Variants in COL24A1 observed in about 807,000 individuals in gnomAD.
COL24A1 encodes collagen alpha-1(XXIV) chain.
Under a neutral mutation model 253.9 loss-of-function variants are expected in COL24A1, and 224 were observed. That is an observed-to-expected ratio of 0.88 (90% CI 0.79 to 0.99). COL24A1 has a LOEUF of 0.99. Among genes scored for constraint, COL24A1 ranks in the 50% least tolerant of loss-of-function variants. The pLI is 0.00. For missense variants in COL24A1, 2,131 were observed against 2,068.5 expected (o/e 1.03, Z -0.59); for synonymous variants, 685 against 673.7 (o/e 1.02, Z -0.26).
intron 24 of COL24A1, among the ~76,000 whole-genome samples, chr1:85,954,729 C>T (rs1359250529): frequency 1.3e-5 from 2 of 151,998 alleles, no homozygotes; most frequent in Admixed American, 1.3e-4. Flanking sequence ...ATTACTACCC[C>T]CTATTACATA....
intron 41 of COL24A1, 28 bp from the exon 42 acceptor site, chr1:85,841,306 A>G: frequency 6.7e-7 from 1 of 1,484,860 alleles, no homozygotes; most frequent in Non-Finnish European, 9.3e-7. Flanking sequence ...TTTATAAACA[A>G]AACTCAATAA....
chr1:85,861,854 T>G (rs369999234), intron 37 of COL24A1, among the ~76,000 whole-genome samples: 91 of 152,282 alleles, frequency 6.0e-4, no homozygotes, highest in Admixed American at 5.2e-4. Context: ...TCAAACAACT[T>G]TTCACTATTT....
At chr1:85,921,460 A>G (rs1686480809) in intron 24 of COL24A1, among the ~76,000 whole-genome samples, 1 of 152,142 alleles carries the variant, frequency 6.6e-6, no homozygotes, top group Non-Finnish European at 1.5e-5. Context: ...TCTGGGATGA[A>G]GCTTCCAGAG....
intron 47 of COL24A1, among the ~76,000 whole-genome samples, chr1:85,800,641 C>A (rs1356453338): frequency 1.3e-5 from 2 of 152,146 alleles, no homozygotes; most frequent in Non-Finnish European, 2.9e-5. Flanking sequence ...TGTACTACAT[C>A]TGCTGTTGGA....
chr1:85,985,408 A>G (rs1443740854), intron 20 of COL24A1, among the ~76,000 whole-genome samples: 4 of 151,812 alleles, frequency 2.6e-5, no homozygotes, highest in Non-Finnish European at 3.0e-5. Context: ...AATTATACAG[A>G]GAGGGTTTGG....
chr1:85,778,041 C>CTATCTATCTATG (rs1570574180), intron 52 of COL24A1, among the ~76,000 whole-genome samples: 2 of 151,834 alleles, frequency 1.3e-5, no homozygotes, highest in East Asian at 3.9e-4. Flanking sequence ...ATCTATCTAT[C>CTATCTATCTATG]TATCTATCTA....
At chr1:85,869,978 G>A (rs1299769156) in intron 35 of COL24A1, among the ~76,000 whole-genome samples, 15 of 152,098 alleles carry the variant, frequency 9.9e-5, no homozygotes, top group Admixed American at 9.8e-4. Context: ...ACACACGATG[G>A]CTCAAAATAA....
At chr1:86,151,339 C>T (rs1652752889) in intron 1 of COL24A1, among the ~76,000 whole-genome samples, 1 of 152,032 alleles carries the variant, frequency 6.6e-6, no homozygotes, top group East Asian at 1.9e-4. Flanking sequence ...ATATGTGGAC[C>T]ATGTGTCACT....
chr1:85,946,183 T>C (rs1329517859), intron 24 of COL24A1, among the ~76,000 whole-genome samples: 1 of 152,130 alleles, frequency 6.6e-6, no homozygotes, highest in East Asian at 1.9e-4. Context: ...GAATACTGAG[T>C]CTGTAATGAG....
chr1:85,974,822 T>C (rs1457048133), intron 20 of COL24A1, among the ~76,000 whole-genome samples: 1 of 151,866 alleles, frequency 6.6e-6, no homozygotes, highest in Non-Finnish European at 1.5e-5. Flanking sequence ...TTCTGCACTT[T>C]ACTAGAGATG....
At chr1:86,087,487 C>A (rs141977422) in intron 7 of COL24A1, among the ~76,000 whole-genome samples, 65 of 152,244 alleles carry the variant, frequency 4.3e-4, no homozygotes, top group African/African-American at 1.5e-3. Context: ...GACTGCATGT[C>A]ATATACTCTT....
chr1:86,043,458 A>G (rs1438746598), intron 12 of COL24A1, among the ~76,000 whole-genome samples: 1 of 152,190 alleles, frequency 6.6e-6, no homozygotes, highest in Non-Finnish European at 1.5e-5. Context: ...ATGATAGTAA[A>G]TGAAATAATA....
chr1:86,066,301 C>T (rs933668040), intron 7 of COL24A1, among the ~76,000 whole-genome samples: 7 of 142,404 alleles, frequency 4.9e-5, no homozygotes, highest in Non-Finnish European at 1.1e-4. Context: ...TGCAGTGGCA[C>T]GATCTCGGCT....
chr1:86,095,438 A>G (rs1403574402), intron 5 of COL24A1, among the ~76,000 whole-genome samples: 1 of 152,086 alleles, frequency 6.6e-6, no homozygotes. Flanking sequence ...TATGGAGGAA[A>G]TGCTCTTAAC....
chr1:86,032,832 T>A (rs1006860698), intron 13 of COL24A1, among the ~76,000 whole-genome samples: 1 of 152,102 alleles, frequency 6.6e-6, no homozygotes, highest in Non-Finnish European at 1.5e-5. Context: ...AAAGAAAACT[T>A]TAAATATTCT....
chr1:86,141,472 T>TC (rs532754934), intron 2 of COL24A1, among the ~76,000 whole-genome samples: 5 of 152,056 alleles, frequency 3.3e-5, no homozygotes, highest in Non-Finnish European at 7.4e-5. Context: ...GAGACAATCC[T>TC]CCCCCCATCA....
chr1:86,005,629 TA>T (rs1379494314), intron 19 of COL24A1, among the ~76,000 whole-genome samples: 1 of 151,720 alleles, frequency 6.6e-6, no homozygotes, highest in Non-Finnish European at 1.5e-5. Flanking sequence ...TGAATAAAAA[TA>T]AAAGAATAAA....
At chr1:86,104,387 AT>A (rs1704744640) in intron 5 of COL24A1, among the ~76,000 whole-genome samples, 1 of 152,136 alleles carries the variant, frequency 6.6e-6, no homozygotes, top group Non-Finnish European at 1.5e-5. Flanking sequence ...CATTTCAGCC[AT>A]CTCAGCCCAG....
At chr1:85,745,416 A>G (rs1392770613) in intron 56 of COL24A1, 25 bp downstream of exon 56, 5 of 1,570,838 alleles carry the variant, frequency 3.2e-6, no homozygotes, top group Non-Finnish European at 4.3e-6. Context: ...GACAGTGCCA[A>G]TATAAATAAA....
Sources: allele counts gnomAD v4.1 joint callset (sites outside exome capture counted in the v4.1 genomes callset), GRCh38; gene constraint gnomAD v4.1.1; transcripts MANE v1.5; gene names NCBI Gene and HGNC (gene_info 2026-07-23, HGNC 2026-07-21).